Variants in BCAN observed in about 807,000 individuals in gnomAD.
BCAN encodes the protein brevican, also known as brevican core protein.
Under a neutral mutation model 92.4 loss-of-function variants are expected in BCAN, and 51 were observed. That is an observed-to-expected ratio of 0.55 (90% CI 0.44 to 0.70). BCAN has a LOEUF of 0.70. Among genes scored for constraint, BCAN ranks in the 30% least tolerant of loss-of-function variants. The pLI is 0.00. For synonymous variants in BCAN, 501 were observed against 505.2 expected (o/e 0.99, Z 0.11); for missense variants, 1,140 against 1,212.1 (o/e 0.94, Z 0.88).
chr1:156,646,670 GCCCCTGGT>G, intron 2 of BCAN, 123 bp from the exon 3 acceptor site: 1 of 1,415,182 alleles, frequency 7.1e-7, no homozygotes, highest in East Asian at 2.6e-5. Context: ...CTGGCCCCTG[GCCCCTGGT>G]CCTAGGGGGG....
intron 9 of BCAN, chr1:156,656,704 C>G: frequency 1.7e-6 from 1 of 579,552 alleles, no homozygotes. Flanking sequence ...CAGGCCGGAA[C>G]TCCATCCCTC....
Position 156,649,759 on chromosome 1 carries a change from A to T in BCAN, c.1063+898A>T, listed in dbSNP as rs1433822290. 1.5e-5 allele frequency: 6 copies of T among 412,636 alleles called. No homozygotes were observed. The East Asian group carries it at 3.7e-4, about 26-fold the overall frequency. 25.6% of individuals were successfully genotyped at this position (412,636 alleles called of 1,614,324 possible). A position where few individuals can be genotyped will look rare whatever the true frequency, so the allele number is the denominator to read the frequency against. ...GGGAGGCAGTTTCTGGGACTCTCAG[A>T]TGCAAAAGGCCCAGGCCAAGGGTGA... On this transcript the variant is annotated intron_variant, in intron 6 of 13. Coordinates refer to ENST00000329117, the MANE Select transcript of BCAN (RefSeq NM_021948.5).
chr1:156,653,462 T>C (rs1679243276), intron 8 of BCAN: 3 of 988,246 alleles, frequency 3.0e-6, no homozygotes, highest in South Asian at 9.3e-5. Context: ...ATTAAACCGC[T>C]TTGTAACCAA....
chr1:156,656,274 C>G lies in BCAN; in HGVS notation c.1943-8C>G. On this transcript the variant is annotated splice_polypyrimidine_tract_variant and splice_region_variant and intron_variant, in intron 8 of 13. Transcript: ENST00000329117. ...GCTCCCCCCGCCTCACTTCTTTCCCCCTCTCAGGTGACTGTGTCCCCAGCC... is the reference window on the plus strand; with the variant it reads ...GCTCCCCCCGCCTCACTTCTTTCCCGCTCTCAGGTGACTGTGTCCCCAGCC... 1 of 1,475,224 alleles carries G rather than the reference C, an allele frequency of 6.8e-7. No homozygotes were observed. Among genetic ancestry groups the G allele is most frequent in the East Asian group, 2.7e-5 (1 of 36,918 alleles). 91.4% of individuals were successfully genotyped at this position (1,475,224 alleles called of 1,614,324 possible).
At chr1:156,651,424 AG>A in intron 6 of BCAN, 31 bp from the exon 7 acceptor site, 4 of 1,570,744 alleles carry the variant, frequency 2.5e-6, no homozygotes, top group Non-Finnish European at 3.5e-6. Flanking sequence ...CTACCTATTC[AG>A]GCTCGCATCA....
intron 8 of BCAN, 167 bp downstream of exon 8, chr1:156,653,059 A>G: frequency 1.3e-6 from 2 of 1,486,730 alleles, no homozygotes; most frequent in Non-Finnish European, 1.8e-6. Flanking sequence ...CCAATCTCGG[A>G]TATCCACCTT....
rs1264430850 is a variant in BCAN at position 156,647,336 on chromosome 1, C to T, written c.466+161C>T. On this transcript the variant is annotated intron_variant, in intron 3 of 13. Transcript: ENST00000329117. The surrounding 1 kb of genome is among the most constrained non-coding windows in gnomAD (Gnocchi z 4.8). The stretch of plus-strand genomic sequence containing the variant: ...GACACGGGCCTTTGTTGTCTCCTTT[C>T]TCTCTTCAGGTGGAGGACATTCTAC... 1.9e-5 allele frequency: 22 copies of T among 1,136,052 alleles called. No homozygotes were observed. The highest frequency in any genetic ancestry group is 2.4e-6 in the Non-Finnish European group (2 of 817,946). 70.4% of individuals were successfully genotyped at this position (1,136,052 alleles called of 1,614,324 possible). A position where few individuals can be genotyped will look rare whatever the true frequency, so the allele number is the denominator to read the frequency against.
chr1:156,647,205 G>A lies in BCAN; in HGVS notation c.466+30G>A. The stretch of plus-strand genomic sequence containing the variant: ...GAGGGCAGGGAGGTTCCAGAGGGAG[G>A]GAGGGAGGGAGGGAAGGGAGGACTC... On this transcript the variant is annotated intron_variant, in intron 3 of 13. Coordinates refer to ENST00000329117, the MANE Select transcript of BCAN (RefSeq NM_021948.5). The surrounding 1 kb of genome is among the most constrained non-coding windows in gnomAD (Gnocchi z 4.8). The A allele has an allele frequency of 7.1e-7, 1 of 1,417,450 alleles. No individual in the cohort carries two copies. The highest frequency in any genetic ancestry group is 9.5e-7 in the Non-Finnish European group (1 of 1,049,404). 87.8% of individuals were successfully genotyped at this position (1,417,450 alleles called of 1,614,324 possible). A position where few individuals can be genotyped will look rare whatever the true frequency, so the allele number is the denominator to read the frequency against.
intron 5 of BCAN, 37 bp from the exon 6 acceptor site, chr1:156,648,531 A>C (rs754717203): frequency 6.5e-7 from 1 of 1,545,316 alleles, no homozygotes; most frequent in East Asian, 2.3e-5. Context: ...AGGAGCTACC[A>C]GCTGCCTGAT....
In BCAN at chr1:156,652,334, G is replaced by T; in HGVS notation, c.1384G>T (p.Glu462Ter). ...GGAGGAAGAAGAGAAATATGAAGAT[G>T]AAGAAGAGAAAGAGGAGGAAGAAGA... ...ALEEEEKYED[E>*]EEKEEEEEEE... The change falls in exon 8 of 14, where the codon GAA becomes TAA. Residue 462 changes from glutamate to a stop codon, truncating the protein, a stop_gained. Transcript: ENST00000329117. LOFTEE classifies it high-confidence loss of function. 6.2e-7 allele frequency: 1 copy of T among 1,614,062 alleles called. No homozygotes were observed. Among genetic ancestry groups the T allele is most frequent in the Non-Finnish European group, 8.5e-7 (1 of 1,179,930 alleles).
chr1:156,648,044 C>T lies in BCAN; in HGVS notation c.703C>T (p.Arg235Trp), dbSNP rs754299419. 8 of 1,613,898 alleles carry T rather than the reference C, an allele frequency of 5.0e-6. No individual in the cohort carries two copies. Among genetic ancestry groups the T allele is most frequent in the African/African-American group, 1.3e-5 (1 of 74,860 alleles). Residue 235 changes from arginine (R) to tryptophan (W), a missense_variant, in exon 5 of 14, where the codon CGG becomes TGG. Arg to Trp is a moderately radical substitution (Grantham distance 101, BLOSUM62 -3). Around this residue, in one of 3 missense-constraint regions of BCAN, gnomAD observed 29 missense variants for 56.2 expected, o/e 0.52. Transcript: ENST00000329117. ...AGACATGGATGGCTTCCCCGGGGTC[C>T]GGAACTATGGTGTGGTGGACCCGGA... Reference protein sequence around the residue: ...YGDMDGFPGVRNYGVVDPDDL... With the variant: ...YGDMDGFPGVWNYGVVDPDDL...
Position 156,657,339 on chromosome 1 carries a change from C to T in BCAN, c.2209+243C>T, listed in dbSNP as rs114038503. ...TAGAGTGCGCCTGTGTGGGCCGGGC[C>T]GCCGTGCAGGGGGCCGCCTCCAATC... On this transcript the variant is annotated intron_variant, in intron 10 of 13. Transcript: ENST00000329117. The T allele has an allele frequency of 8.0e-6, 5 of 622,312 alleles. No individual in the cohort carries two copies. The East Asian group carries it at 8.9e-5, about 11-fold the overall frequency. The allele number at this position is 622,312 out of a possible 1,614,324, so 38.5% of individuals were successfully genotyped here.
intron 1 of BCAN, 80 bp from the exon 2 acceptor site, chr1:156,645,967 C>A: frequency 8.0e-7 from 1 of 1,250,140 alleles, no homozygotes; most frequent in Non-Finnish European, 1.1e-6. Context: ...TGTGTGAACC[C>A]ACATGGGTGT....
intron 6 of BCAN, among the ~76,000 whole-genome samples, chr1:156,650,628 G>A (rs1442634396): frequency 1.3e-5 from 2 of 152,130 alleles, no homozygotes; most frequent in Non-Finnish European, 2.9e-5. Context: ...GCTATCCTGA[G>A]GGGATGACAG....
intron 5 of BCAN, among the ~76,000 whole-genome samples, 168 bp downstream of exon 5, chr1:156,648,278 G>A (rs1679051879): frequency 6.6e-6 from 1 of 152,122 alleles, no homozygotes; most frequent in Non-Finnish European, 1.5e-5. Context: ...ACAGAGGCAA[G>A]CTCATGACCA....
Position 156,652,488 on chromosome 1 carries a change from C to T in BCAN, c.1538C>T (p.Ala513Val), listed in dbSNP as rs1182015965. The change falls in exon 8 of 14, where the codon GCA (alanine) becomes GTA (valine). Residue 513 changes from alanine (A) to valine (V), a missense_variant. This residue lies in a region of BCAN where 825 missense variants were observed against 871.8 expected (regional missense o/e 0.95). Transcript: ENST00000329117. ...EESLSQAPAR[A>V]VLQPGASPLP... is the part of the protein sequence containing the mutation. ...TCACTCTCCCAGGCGCCAGCAAGGG[C>T]AGTCCTGCAGCCTGGTGCATCACCA... 1.2e-6 allele frequency: 2 copies of T among 1,607,482 alleles called. No individual in the cohort carries two copies. Among genetic ancestry groups the T allele is most frequent in the African/African-American group, 2.7e-5 (2 of 74,732 alleles).
chr1:156,657,066 A>C lies in BCAN; in HGVS notation c.2179A>C (p.Ser727Arg), dbSNP rs1161484405. The C allele has an allele frequency of 2.5e-6, 4 of 1,614,014 alleles. No individual in the cohort carries two copies. In the African/African-American group the frequency reaches 5.3e-5, roughly 22 times the overall value. Reference sequence around the variant, plus strand: ...GTACGGCGCGCATCTGGCCAGCATCAGCACACCCGAGGAACAGGACTTCAT... The same window carrying C: ...GTACGGCGCGCATCTGGCCAGCATCCGCACACCCGAGGAACAGGACTTCAT... ...RMYGAHLASI[S>R]TPEEQDFINN... The change falls in exon 10 of 14, where the codon AGC (serine) becomes CGC (arginine). Residue 727 changes from serine to arginine, a missense_variant. Coordinates refer to ENST00000329117, the MANE Select transcript of BCAN (RefSeq NM_021948.5).
At position 156,656,959 on chromosome 1, in the gene BCAN, G is replaced by T; in HGVS notation, c.2072G>T (p.Gly691Val). The change falls in exon 10 of 14, where the codon GGC (glycine) becomes GTC (valine). Residue 691 changes from glycine (G) to valine (V), a missense_variant. Gly to Val is a moderately radical substitution (Grantham distance 109). This residue lies in a region of BCAN where 825 missense variants were observed against 871.8 expected (regional missense o/e 0.95). Coordinates refer to ENST00000329117, the MANE Select transcript of BCAN (RefSeq NM_021948.5). ...GCAGGCCTCCGCTTCTGCAACCCCGGCTGGGACGCCTTCCAGGGCGCCTGC... is the reference window on the plus strand; with the variant it reads ...GCAGGCCTCCGCTTCTGCAACCCCGTCTGGGACGCCTTCCAGGGCGCCTGC... Reference protein sequence around the residue: ...CDVGLRFCNPGWDAFQGACYK... With the variant: ...CDVGLRFCNPVWDAFQGACYK... 1 of 1,613,966 alleles carries T rather than the reference G, an allele frequency of 6.2e-7. No individual in the cohort carries two copies. The highest frequency in any genetic ancestry group is 8.5e-7 in the Non-Finnish European group (1 of 1,179,866).
Position 156,647,633 on chromosome 1 carries a change from G to C in BCAN, c.592G>C (p.Gly198Arg). Residue 198 changes from glycine (G) to arginine (R), a missense_variant, in exon 4 of 14, where the codon GGG becomes CGG. Gly to Arg is a moderately radical substitution (Grantham distance 125). Around this residue, in one of 3 missense-constraint regions of BCAN, gnomAD observed 286 missense variants for 284.1 expected, o/e 1.01. Transcript: ENST00000329117. The surrounding 1 kb of genome is among the most constrained non-coding windows in gnomAD (Gnocchi z 4.8). ...TPEQLYAAYLGGYEQCDAGWL... is the reference protein window; with the variant it reads ...TPEQLYAAYLRGYEQCDAGWL... ...GGAGCAGCTCTATGCCGCCTACCTT[G>C]GGGGCTATGAGCAATGTGATGCTGG... The C allele has an allele frequency of 6.2e-7, 1 of 1,611,442 alleles. No individual in the cohort carries two copies.
Sources: allele counts gnomAD v4.1 joint callset (sites outside exome capture counted in the v4.1 genomes callset), GRCh38; gene constraint gnomAD v4.1.1; regional missense constraint gnomAD v4.1.1; non-coding constraint Gnocchi (gnomAD v3.1); transcripts MANE v1.5; gene names NCBI Gene and HGNC (gene_info 2026-07-23, HGNC 2026-07-21).